Variants in DYNC1I2 observed in about 807,000 individuals in gnomAD.
DYNC1I2 encodes dynein cytoplasmic 1 intermediate chain 2, also known as cytoplasmic dynein 1 intermediate chain 2.
Under a neutral mutation model 88.6 loss-of-function variants are expected in DYNC1I2, and 53 were observed. The observed-to-expected ratio is 0.60, with a 90% CI of 0.48 to 0.75. DYNC1I2 has a LOEUF of 0.75. DYNC1I2 is among the 30% of genes least tolerant of loss of function. The probability of loss-of-function intolerance (pLI) is 0.00; values close to 1 mark genes in which losing one functional copy is unlikely to be tolerated. For synonymous variants in DYNC1I2, 198 were observed against 254.6 expected, an observed-to-expected ratio of 0.78 and a Z score of 2.12; for missense variants, 458 against 766.6, an observed-to-expected ratio of 0.60 and a Z score of 4.75.
chr2:171,740,869 C>T (rs145724093), intron 15 of DYNC1I2, among the ~76,000 whole-genome samples: 14 of 152,272 alleles, frequency 9.2e-5, no homozygotes, highest in African/African-American at 2.9e-4. Flanking sequence ...AGTATATTCA[C>T]AGAGGCACGC....
Position 171,721,785 on chromosome 2 carries a change from A to T in DYNC1I2, c.512-3833A>T, listed in dbSNP as rs1267306225. ...TCTTAAAATGGGATGCACCAGTACA[A>T]TAAAACTACATAGTAAATTGATAGA... On this transcript the variant is annotated intron_variant, in intron 7 of 17. Transcript: ENST00000397119. Among the ~76,000 whole-genome samples the T allele has an allele frequency of 2.6e-5, 4 of 152,170 alleles. No homozygotes were observed. The East Asian group carries it at 7.7e-4, about 29-fold the overall frequency.
chr2:171,732,046 A>G (rs1688649995), intron 15 of DYNC1I2, among the ~76,000 whole-genome samples: 1 of 152,188 alleles, frequency 6.6e-6, no homozygotes, highest in Non-Finnish European at 1.5e-5. Flanking sequence ...AATTGGGTTA[A>G]TAATTATCTT....
chr2:171,706,517 G>C, intron 3 of DYNC1I2, 30 bp from the exon 4 acceptor site: 2 of 1,596,282 alleles, frequency 1.3e-6, no homozygotes, highest in Non-Finnish European at 1.7e-6. Flanking sequence ...GAATATTTTG[G>C]GTGTCTGTAT....
At chr2:171,721,121 T>TAAAAAAA (rs1170082849) in intron 7 of DYNC1I2, among the ~76,000 whole-genome samples, 1 of 60,778 alleles carries the variant, frequency 1.6e-5, no homozygotes, top group Non-Finnish European at 3.0e-5. Flanking sequence ...CCCCATCTCT[T>TAAAAAAA]AAAAAAAAAA....
intron 7 of DYNC1I2, among the ~76,000 whole-genome samples, chr2:171,719,177 A>G (rs954724379): frequency 5.4e-5 from 8 of 149,520 alleles, no homozygotes; most frequent in African/African-American, 1.5e-4. Context: ...AGGAGAAGGG[A>G]AAAAAAAGCA....
chr2:171,739,974 C>T (rs1378595329), intron 15 of DYNC1I2, among the ~76,000 whole-genome samples: 1 of 152,124 alleles, frequency 6.6e-6, no homozygotes, highest in Non-Finnish European at 1.5e-5. Context: ...CCTCGGCTTT[C>T]CAAAGTCCTG....
At chr2:171,697,845 C>A (rs1437513979) in intron 3 of DYNC1I2, among the ~76,000 whole-genome samples, 1 of 136,284 alleles carries the variant, frequency 7.3e-6, no homozygotes, top group Admixed American at 8.0e-5. Context: ...CACAGCAAGA[C>A]CCTATCTCAA....
chr2:171,729,051 T>A (rs866491096), intron 14 of DYNC1I2, among the ~76,000 whole-genome samples: 21 of 152,136 alleles, frequency 1.4e-4, no homozygotes, highest in African/African-American at 4.6e-4. Context: ...TTAGATTTTG[T>A]GGGTTGTGGT....
In DYNC1I2 at chr2:171,748,279, C is replaced by T. The variant is rs1346443793; in HGVS notation, c.*390C>T. The T allele has an allele frequency of 6.4e-6, 1 of 156,544 alleles. No individual in the cohort carries two copies. The highest frequency in any genetic ancestry group is 6.5e-5 in the Admixed American group (1 of 15,370). 9.7% of individuals were successfully genotyped at this position (156,544 alleles called of 1,614,324 possible). A position where few individuals can be genotyped will look rare whatever the true frequency, so the allele number is the denominator to read the frequency against. ...TGTTATACAGATAATGTTCTCACTA[C>T]CCATAATATGTAGGAACATTGTTTC... On this transcript the variant is annotated 3_prime_UTR_variant, in exon 18 of 18. Coordinates refer to ENST00000397119, the MANE Select transcript of DYNC1I2 (RefSeq NM_001378.3).
At chr2:171,740,309 A>G (rs1689335100) in intron 15 of DYNC1I2, among the ~76,000 whole-genome samples, 1 of 152,190 alleles carries the variant, frequency 6.6e-6, no homozygotes, top group African/African-American at 2.4e-5. Context: ...ATAGTACGTG[A>G]TGCAGAAGGT....
chr2:171,718,965 C>T (rs1047960361), intron 7 of DYNC1I2, among the ~76,000 whole-genome samples: 1 of 152,270 alleles, frequency 6.6e-6, no homozygotes. Flanking sequence ...ACTGATTCTA[C>T]GATGTGCTTT....
At position 171,712,818 on chromosome 2, in the gene DYNC1I2, C is replaced by T. The variant is rs780969415; in HGVS notation, c.387C>T (p.Ser129=). Residue 129 remains serine, a synonymous_variant, in exon 6 of 18, where the codon TCC becomes TCT. Coordinates refer to ENST00000397119, the MANE Select transcript of DYNC1I2 (RefSeq NM_001378.3). ...CAGTTCTTCAGCTTCACTCAGATTC[C>T]GATTTGGGGTATTGAATAGATTTTT... ...DPSVLQLHSD[S]DLGRGPIKLG... is the part of the protein sequence containing the mutation. 40 of 1,612,826 alleles carry T rather than the reference C, an allele frequency of 2.5e-5. No individual in the cohort carries two copies. The Middle Eastern group carries it at 4.9e-4, about 20-fold the overall frequency.
At chr2:171,711,423 A>G (rs1179105315) in intron 5 of DYNC1I2, among the ~76,000 whole-genome samples, 1 of 152,212 alleles carries the variant, frequency 6.6e-6, no homozygotes, top group Non-Finnish European at 1.5e-5. Flanking sequence ...CATTTTCAGT[A>G]CTGGCTGTAT....
At chr2:171,706,590 CTTGT>C (rs1686693381) in intron 4 of DYNC1I2, 26 bp downstream of exon 4, 2 of 1,606,636 alleles carry the variant, frequency 1.2e-6, no homozygotes, top group South Asian at 1.1e-5. Context: ...TAAGTCTTGC[CTTGT>C]TTATTTGCAT....
intron 6 of DYNC1I2, among the ~76,000 whole-genome samples, chr2:171,713,513 T>A (rs1237847854): frequency 6.6e-6 from 1 of 152,044 alleles, no homozygotes; most frequent in Non-Finnish European, 1.5e-5. Context: ...TGTCTCTTTT[T>A]TAGAGTTTTA....
chr2:171,740,219 A>G (rs1055124803), intron 15 of DYNC1I2, among the ~76,000 whole-genome samples: 2 of 152,058 alleles, frequency 1.3e-5, no homozygotes, highest in Non-Finnish European at 2.9e-5. Context: ...TGAGACGTTT[A>G]CCCTCATAAA....
intron 17 of DYNC1I2, among the ~76,000 whole-genome samples, chr2:171,746,154 A>G (rs755464603): frequency 2.0e-5 from 3 of 152,238 alleles, no homozygotes; most frequent in Non-Finnish European, 2.9e-5. Context: ...CAATAAATAC[A>G]TTGAAAATAC....
chr2:171,714,049 T>A (rs1687315308), intron 6 of DYNC1I2, among the ~76,000 whole-genome samples: 1 of 152,314 alleles, frequency 6.6e-6, no homozygotes, highest in South Asian at 2.1e-4. Flanking sequence ...ACGATTTTTT[T>A]CCAGCTATGT....
At chr2:171,726,756 A>AT in intron 10 of DYNC1I2, 35 bp from the exon 11 acceptor site, 1 of 1,608,082 alleles carries the variant, frequency 6.2e-7, no homozygotes. Flanking sequence ...CTTATTATGC[A>AT]TAGCATTTCT....
Sources: gnomAD v4.1 joint callset for allele counts (sites outside exome capture counted in the v4.1 genomes callset) on GRCh38, gnomAD v4.1.1 for gene constraint, MANE v1.5 for transcripts, NCBI Gene and HGNC (gene_info 2026-07-23, HGNC 2026-07-21) for gene names.